The following JAZF1 variants were observed in gnomAD, a reference collection of about 807,000 sequenced individuals.
The protein encoded by JAZF1 is JAZF zinc finger 1, also known as juxtaposed with another zinc finger protein 1.
Under a neutral mutation model 26.4 loss-of-function variants are expected in JAZF1, and 8 were observed. That is an observed-to-expected ratio of 0.30 (90% CI 0.18 to 0.55). JAZF1 has a LOEUF of 0.55. JAZF1 is among the 20% of genes least tolerant of loss of function. The pLI is 0.94. For synonymous variants in JAZF1, 126 were observed against 122.3 expected, an observed-to-expected ratio of 1.03 and a Z score of -0.20; for missense variants, 199 against 322.0, an observed-to-expected ratio of 0.62 and a Z score of 2.92.
chr7:27,972,656 AAAAC>A (rs941596741), intron 2 of JAZF1, among the ~76,000 whole-genome samples: 3 of 152,224 alleles, frequency 2.0e-5, no homozygotes, highest in African/African-American at 7.2e-5. Context: ...TTAGTGGTGA[AAAAC>A]AAACACATGC....
chr7:27,854,988 T>TCAGGTACACCAATCAAA (rs1783218432), intron 3 of JAZF1, among the ~76,000 whole-genome samples: 1 of 152,216 alleles, frequency 6.6e-6, no homozygotes, highest in Non-Finnish European at 1.5e-5. Context: ...CACTTCACTT[T>TCAGGTACACCAATCAAA]CAGGTACACC....
At chr7:27,845,711 A>AAAAAAAAAAAAAAG (rs1554328474) in intron 3 of JAZF1, among the ~76,000 whole-genome samples, 11 of 137,668 alleles carry the variant, frequency 8.0e-5, no homozygotes, top group African/African-American at 1.7e-4. Context: ...AAAAAAAAAA[A>AAAAAAAAAAAAAAG]AAAGAAAAGA....
At chr7:28,004,746 G>A (rs1782669985) in intron 1 of JAZF1, among the ~76,000 whole-genome samples, 1 of 152,204 alleles carries the variant, frequency 6.6e-6, no homozygotes, top group East Asian at 1.9e-4. Context: ...TCCGCCTCTT[G>A]GGTTCAAGTG....
At chr7:28,068,095 AG>A (rs964283368) in intron 1 of JAZF1, among the ~76,000 whole-genome samples, 10 of 151,946 alleles carry the variant, frequency 6.6e-5, no homozygotes, top group Non-Finnish European at 1.2e-4. Flanking sequence ...TTGTATATTT[AG>A]TAAAAACAGG....
At chr7:27,902,229 TATC>T (rs1174755067) in intron 2 of JAZF1, among the ~76,000 whole-genome samples, 1 of 152,250 alleles carries the variant, frequency 6.6e-6, no homozygotes, top group Non-Finnish European at 1.5e-5. Context: ...TCTACTATAT[TATC>T]TTTATGAAAT....
intron 2 of JAZF1, 80 bp from the exon 3 acceptor site, chr7:27,895,496 A>G (rs2128342075): frequency 1.9e-6 from 2 of 1,047,104 alleles, no homozygotes; most frequent in East Asian, 5.6e-5. Flanking sequence ...AGTTTCAGAC[A>G]TGCACGACCC....
intron 2 of JAZF1, among the ~76,000 whole-genome samples, chr7:27,946,874 A>T (rs1784931201): frequency 6.6e-6 from 1 of 152,178 alleles, no homozygotes; most frequent in Non-Finnish European, 1.5e-5. Flanking sequence ...ATGTTTAGTA[A>T]ACTACGGTGG....
At position 27,990,084 on chromosome 7, in the gene JAZF1, C is replaced by G. The variant is rs1383951197; in HGVS notation, c.188+1825G>C. On this transcript the variant is annotated intron_variant, in intron 2 of 4. Transcript: ENST00000283928. ...ATTAAGAAAATGTGGCACATATACACCATGGAATACTATGCAGCCATAAAA... is the reference window on the plus strand; with the variant it reads ...ATTAAGAAAATGTGGCACATATACAGCATGGAATACTATGCAGCCATAAAA... Among the ~76,000 whole-genome samples, 3 of 152,176 alleles carry G rather than the reference C, an allele frequency of 2.0e-5. No homozygotes were observed. The East Asian group carries it at 5.8e-4, about 29-fold the overall frequency.
chr7:28,083,186 C>T (rs893305768), intron 1 of JAZF1, among the ~76,000 whole-genome samples: 16 of 152,146 alleles, frequency 1.1e-4, no homozygotes, highest in African/African-American at 3.6e-4. Flanking sequence ...CACATGCTCT[C>T]TTGGGGTTCA....
At chr7:28,148,196 G>A (rs979774211) in intron 1 of JAZF1, among the ~76,000 whole-genome samples, 3 of 151,772 alleles carry the variant, frequency 2.0e-5, no homozygotes, top group Admixed American at 1.3e-4. Flanking sequence ...TCAGCTTCCC[G>A]AGTAGCTGGG....
At chr7:28,038,509 G>A (rs1008482384) in intron 1 of JAZF1, among the ~76,000 whole-genome samples, 1 of 152,132 alleles carries the variant, frequency 6.6e-6, no homozygotes, top group Non-Finnish European at 1.5e-5. Context: ...AAATATTAGA[G>A]ATAATCTTCC....
At chr7:27,875,429 A>T (rs527587414) in intron 3 of JAZF1, among the ~76,000 whole-genome samples, 1 of 152,002 alleles carries the variant, frequency 6.6e-6, no homozygotes, top group South Asian at 2.1e-4. Flanking sequence ...GCAAACCATG[A>T]CATTCCCCTG....
intron 2 of JAZF1, among the ~76,000 whole-genome samples, chr7:27,987,035 C>T (rs562853618): frequency 1.3e-5 from 2 of 152,272 alleles, no homozygotes; most frequent in South Asian, 4.1e-4. Flanking sequence ...CCTGCCTTGG[C>T]CTCCCAAAGT....
intron 2 of JAZF1, among the ~76,000 whole-genome samples, chr7:27,907,797 C>T (rs747430013): frequency 6.6e-6 from 1 of 152,170 alleles, no homozygotes; most frequent in African/African-American, 2.4e-5. Flanking sequence ...CAGTGGCTCT[C>T]GTGCCACTTA....
At chr7:27,866,402 G>A (rs983961067) in intron 3 of JAZF1, among the ~76,000 whole-genome samples, 3 of 152,150 alleles carry the variant, frequency 2.0e-5, no homozygotes, top group African/African-American at 7.2e-5. Context: ...TTGGGAGCAG[G>A]CATCCTGTGC....
chr7:27,840,964 G>A lies in JAZF1; in HGVS notation c.386-97C>T, dbSNP rs1209795745. 7.4e-7 allele frequency: 1 copy of A among 1,348,706 alleles called. No homozygotes were observed. The highest frequency in any genetic ancestry group is 1.4e-5 in the African/African-American group (1 of 69,128). 83.5% of individuals were successfully genotyped at this position (1,348,706 alleles called of 1,614,324 possible). ...GGACAGGAGATGTGGCCGTGGCAGA[G>A]CAGCGCTGACGGCCCAGGGAGAGGG... On this transcript the variant is annotated intron_variant, in intron 3 of 4. Transcript: ENST00000283928. The surrounding 1 kb of genome is among the most constrained non-coding windows in gnomAD (Gnocchi z 5.1).
At chr7:28,005,583 C>T (rs548358089) in intron 1 of JAZF1, among the ~76,000 whole-genome samples, 27 of 152,242 alleles carry the variant, frequency 1.8e-4, no homozygotes, top group African/African-American at 5.8e-4. Flanking sequence ...TTATGCCTGC[C>T]GACTCCACAC....
At chr7:28,114,765 C>T (rs7786444) in intron 1 of JAZF1, among the ~76,000 whole-genome samples, 34,022 of 150,798 alleles carry the variant, frequency 0.23, 5,387 homozygotes, top group African/African-American at 0.44. Flanking sequence ...TGTGAGAACA[C>T]AGAGGTCTAC....
intron 1 of JAZF1, chr7:28,020,779 T>A: frequency 2.2e-6 from 1 of 451,600 alleles, no homozygotes; most frequent in Non-Finnish European, 4.6e-6. Flanking sequence ...GCATCTCTTC[T>A]CCAGCACCCA....
Sources: allele counts gnomAD v4.1 joint callset (sites outside exome capture counted in the v4.1 genomes callset), GRCh38; gene constraint gnomAD v4.1.1; non-coding constraint Gnocchi (gnomAD v3.1); transcripts MANE v1.5; gene names NCBI Gene and HGNC (gene_info 2026-07-23, HGNC 2026-07-21).